SORCS2: variants seen among roughly 807,000 people sequenced by gnomAD.
SORCS2 encodes sortilin related VPS10 domain containing receptor 2, also known as VPS10 domain-containing receptor SorCS2.
SORCS2 carries 100 observed loss-of-function variants against 141.6 expected under a neutral mutation model. The ratio of observed to expected loss-of-function variants is 0.71; its 90% confidence interval spans 0.60 to 0.83. The LOEUF (loss-of-function observed/expected upper bound fraction) is 0.83. SORCS2 is among the 40% of genes least tolerant of loss of function. The pLI is 0.00. For missense variants in SORCS2, 1,646 were observed against 1,560.2 expected, an observed-to-expected ratio of 1.05 and a Z score of -0.93; for synonymous variants, 789 against 676.9, an observed-to-expected ratio of 1.17 and a Z score of -2.57.
intron 2 of SORCS2, among the ~76,000 whole-genome samples, chr4:7,496,035 G>A (rs1307260758): frequency 6.6e-6 from 1 of 152,242 alleles, no homozygotes; most frequent in Non-Finnish European, 1.5e-5. Flanking sequence ...GACTTGGAAG[G>A]CCAGGCTAGC....
chr4:7,644,555 C>A (rs1324023481), intron 4 of SORCS2, among the ~76,000 whole-genome samples: 2 of 152,210 alleles, frequency 1.3e-5, no homozygotes, highest in Non-Finnish European at 2.9e-5. Context: ...AGCTTTCAGG[C>A]CTCTGCAGTG....
At chr4:7,411,714 G>T (rs1725321527) in intron 2 of SORCS2, among the ~76,000 whole-genome samples, 2 of 152,144 alleles carry the variant, frequency 1.3e-5, no homozygotes, top group South Asian at 4.1e-4. Context: ...AGTTTAGTAG[G>T]GGTACAGACA....
At chr4:7,596,113 A>T (rs146103085) in intron 3 of SORCS2, among the ~76,000 whole-genome samples, 34 of 152,336 alleles carry the variant, frequency 2.2e-4, no homozygotes, top group African/African-American at 7.7e-4. Context: ...CTTTGGATCC[A>T]GTGTCTGCTG....
chr4:7,536,289 T>C (rs564452414), intron 3 of SORCS2, among the ~76,000 whole-genome samples: 2 of 152,344 alleles, frequency 1.3e-5, no homozygotes, highest in East Asian at 3.9e-4. Flanking sequence ...CCTGGGTTAA[T>C]GCATATACGG....
intron 24 of SORCS2, 98 bp downstream of exon 24, chr4:7,733,519 T>C (rs1711880053): frequency 1.9e-5 from 18 of 971,968 alleles, no homozygotes; most frequent in Admixed American, 2.8e-5. Context: ...ATGGCCCGTA[T>C]CCCCCTCCTG....
intron 2 of SORCS2, among the ~76,000 whole-genome samples, chr4:7,444,272 A>G (rs777843971): frequency 3.3e-5 from 5 of 152,252 alleles, no homozygotes; most frequent in Non-Finnish European, 5.9e-5. Flanking sequence ...ATTCTAGCGG[A>G]GGAAGCAGAA....
At chr4:7,246,056 A>T (rs954933450) in intron 1 of SORCS2, among the ~76,000 whole-genome samples, 74 of 152,300 alleles carry the variant, frequency 4.9e-4, no homozygotes, top group African/African-American at 1.6e-3. Context: ...ATCCCTGGGT[A>T]TCTGGGAATT....
chr4:7,682,771 C>A lies in SORCS2; in HGVS notation c.1370C>A (p.Ala457Glu), dbSNP rs371599341. ...AGAGGGGTGAAAGGAGTCTTCCTGG[C>A]AAACCAAAAAATTGATGGGAAAGTG... ...EVRGVKGVFL[A>E]NQKIDGKVMT... The change falls in exon 10 of 27, where the codon GCA becomes GAA. Residue 457 changes from alanine (A) to glutamate (E), a missense_variant. Physicochemically the swap from Ala to Glu is moderately radical, Grantham distance 107 (BLOSUM62 -1). Transcript: ENST00000507866. 3.1e-6 allele frequency: 5 copies of A among 1,611,538 alleles called. No homozygotes were observed. Among genetic ancestry groups the A allele is most frequent in the African/African-American group, 1.3e-5 (1 of 74,848 alleles).
At chr4:7,556,776 C>G (rs1465024177) in intron 3 of SORCS2, among the ~76,000 whole-genome samples, 1 of 151,108 alleles carries the variant, frequency 6.6e-6, no homozygotes, top group Non-Finnish European at 1.5e-5. Flanking sequence ...CACCCACCAC[C>G]TACCCACCCA....
intron 2 of SORCS2, among the ~76,000 whole-genome samples, chr4:7,444,501 G>A (rs1727868973): frequency 6.6e-6 from 1 of 152,234 alleles, no homozygotes; most frequent in South Asian, 2.1e-4. Flanking sequence ...CCTGTGCAAA[G>A]GTCCTGTGGC....
intron 1 of SORCS2, among the ~76,000 whole-genome samples, chr4:7,353,196 C>A (rs1196635323): frequency 6.6e-6 from 1 of 152,082 alleles, no homozygotes; most frequent in African/African-American, 2.4e-5. Flanking sequence ...CAGGGCCATC[C>A]CTGCAGAGGT....
intron 2 of SORCS2, among the ~76,000 whole-genome samples, chr4:7,483,161 A>T (rs1730756573): frequency 6.6e-6 from 1 of 152,090 alleles, no homozygotes; most frequent in East Asian, 1.9e-4. Context: ...TCTACTAAAC[A>T]AAATACAAAA....
intron 1 of SORCS2, among the ~76,000 whole-genome samples, chr4:7,260,701 G>T (rs1055483944): frequency 6.6e-6 from 1 of 152,194 alleles, no homozygotes; most frequent in African/African-American, 2.4e-5. Context: ...AGGAAAGTCA[G>T]TGGCAACTCA....
intron 2 of SORCS2, among the ~76,000 whole-genome samples, chr4:7,469,466 C>A (rs1729839745): frequency 6.6e-6 from 1 of 152,226 alleles, no homozygotes; most frequent in Non-Finnish European, 1.5e-5. Context: ...TTCCCTCAGG[C>A]TCCCTGGCAG....
Position 7,735,222 on chromosome 4 carries a change from G to A in SORCS2, c.3311+848G>A, listed in dbSNP as rs1006450413. Among the ~76,000 whole-genome samples, 30 of 152,184 alleles carry A rather than the reference G, an allele frequency of 2.0e-4. 1 individual carries two copies. Among genetic ancestry groups the A allele is most frequent in the Admixed American group, 1.3e-4 (2 of 15,288 alleles). On this transcript the variant is annotated intron_variant, in intron 25 of 26. Transcript: ENST00000507866. ...CTCCGGGGGCCCCAGTCTCCCCATC[G>A]GGGTCACCCTTGAGGATCATCAAAT...
chr4:7,415,681 T>C (rs934615666), intron 2 of SORCS2, among the ~76,000 whole-genome samples: 1 of 152,240 alleles, frequency 6.6e-6, no homozygotes, highest in African/African-American at 2.4e-5. Flanking sequence ...TGAAGGCATC[T>C]AGAACGATGG....
chr4:7,323,275 T>A (rs4689705), intron 1 of SORCS2, among the ~76,000 whole-genome samples: 1 of 152,082 alleles, frequency 6.6e-6, no homozygotes, highest in Non-Finnish European at 1.5e-5. Context: ...GCAGCCAAAG[T>A]GAAAAGGAGA....
chr4:7,204,639 G>A (rs1727638864), intron 1 of SORCS2, among the ~76,000 whole-genome samples: 1 of 152,096 alleles, frequency 6.6e-6, no homozygotes, highest in Non-Finnish European at 1.5e-5. Context: ...GAAATCCACA[G>A]GAGGAGAAAC....
At chr4:7,453,910 T>C (rs1371333609) in intron 2 of SORCS2, among the ~76,000 whole-genome samples, 1 of 106,774 alleles carries the variant, frequency 9.4e-6, no homozygotes, top group Non-Finnish European at 1.8e-5. Context: ...TGGGTTCAGG[T>C]GCTGTGTTGG....
Sources: allele counts gnomAD v4.1 joint callset (sites outside exome capture counted in the v4.1 genomes callset), GRCh38; gene constraint gnomAD v4.1.1; transcripts MANE v1.5; gene names NCBI Gene and HGNC (gene_info 2026-07-23, HGNC 2026-07-21).